The following BRPF3 variants were observed in gnomAD, a reference collection of about 807,000 sequenced individuals.
BRPF3 encodes bromodomain and PHD finger-containing protein 3.
BRPF3 carries 18 observed loss-of-function variants against 102.0 expected under a neutral mutation model. That is an observed-to-expected ratio of 0.18 (90% CI 0.12 to 0.26). The LOEUF (loss-of-function observed/expected upper bound fraction) is 0.26, where lower values mean the gene tolerates loss of function less well. Among genes scored for constraint, BRPF3 ranks in the 10% least tolerant of loss-of-function variants. The pLI is 1.00. For synonymous variants in BRPF3, 570 were observed against 614.2 expected (o/e 0.93, Z 1.06); for missense variants, 1,147 against 1,567.8 (o/e 0.73, Z 4.53).
intron 8 of BRPF3, among the ~76,000 whole-genome samples, chr6:36,214,705 C>G (rs755293785): frequency 6.6e-6 from 1 of 152,110 alleles, no homozygotes; most frequent in East Asian, 1.9e-4. Flanking sequence ...AGGCACTGTT[C>G]TAGGCATTGG....
intron 3 of BRPF3, among the ~76,000 whole-genome samples, chr6:36,205,772 C>T (rs1403205496): frequency 6.6e-6 from 1 of 152,218 alleles, no homozygotes; most frequent in Admixed American, 6.5e-5. Context: ...GCTTGGAGAA[C>T]ATGTCCAATC....
chr6:36,223,612 ATT>A (rs1011770458), intron 10 of BRPF3, among the ~76,000 whole-genome samples: 1 of 151,214 alleles, frequency 6.6e-6, no homozygotes, highest in Admixed American at 6.6e-5. Context: ...ACTTTTTTCA[ATT>A]TTTTTTTGTA....
intron 2 of BRPF3, among the ~76,000 whole-genome samples, chr6:36,203,076 A>G (rs921115311): frequency 6.6e-6 from 1 of 152,190 alleles, no homozygotes; most frequent in African/African-American, 2.4e-5. Flanking sequence ...AAGTGGGTGG[A>G]TGCTTAGTTC....
chr6:36,220,847 G>C (rs1404571119), intron 9 of BRPF3, among the ~76,000 whole-genome samples: 1 of 152,182 alleles, frequency 6.6e-6, no homozygotes, highest in Non-Finnish European at 1.5e-5. Flanking sequence ...GTTAAGCAAA[G>C]TTTTCTTAGC....
rs949402791 is a variant in BRPF3 at position 36,200,071 on chromosome 6, C to G, written c.-26-226C>G. On this transcript the variant is annotated intron_variant, in intron 1 of 12. Coordinates refer to ENST00000357641, the MANE Select transcript of BRPF3 (RefSeq NM_015695.3). The surrounding 1 kb of genome is among the most constrained non-coding windows in gnomAD (Gnocchi z 5.3). ...ATTGCTGGTGGAGGAAAAGGATTTG[C>G]AATTTTAGATAAAGTGGTCAGAGAA... is the stretch of plus-strand genomic sequence containing the variant. 7.9e-5 allele frequency among the ~76,000 whole-genome samples: 12 copies of G among 152,140 alleles called. No individual in the cohort carries two copies. The highest frequency in any genetic ancestry group is 2.9e-4 in the African/African-American group (12 of 41,428).
chr6:36,217,372 T>C (rs1182060990), intron 8 of BRPF3, among the ~76,000 whole-genome samples: 4 of 152,310 alleles, frequency 2.6e-5, no homozygotes, highest in South Asian at 2.1e-4. Context: ...CCCTGTGAGA[T>C]ATCTCAGGGT....
intron 9 of BRPF3, among the ~76,000 whole-genome samples, chr6:36,221,877 T>C (rs1485637265): frequency 2.0e-5 from 3 of 152,192 alleles, no homozygotes; most frequent in Non-Finnish European, 4.4e-5. Flanking sequence ...GACAAATGAC[T>C]GGTGTGACCT....
chr6:36,198,169 A>G (rs1767572860), intron 1 of BRPF3, among the ~76,000 whole-genome samples: 1 of 152,144 alleles, frequency 6.6e-6, no homozygotes, highest in Non-Finnish European at 1.5e-5. Flanking sequence ...TTTGGCTCCA[A>G]ATGGGGTGTG....
intron 2 of BRPF3, among the ~76,000 whole-genome samples, chr6:36,202,311 GGGT>G (rs1361943657): frequency 3.3e-5 from 5 of 152,118 alleles, no homozygotes; most frequent in Non-Finnish European, 5.9e-5. Flanking sequence ...GGTATGAGGG[GGGT>G]GGTGGTGTGG....
Position 36,230,606 on chromosome 6 carries a change from G to A in BRPF3, c.3615G>A (p.Leu1205=). ...GPHSFVTSSY[L] is the part of the protein sequence containing the mutation. ...ACTCCTTCGTCACTTCCAGCTACCT[G>A]TAAGGGCAGGGCTGGGCCTGCATCC... The change falls in exon 13 of 13, where the codon CTG becomes CTA. Residue 1205 remains leucine, a synonymous_variant. Transcript: ENST00000357641. This position sits in a 1 kb window ranked among gnomAD's most constrained non-coding sequence, Gnocchi z 5.4. 1 of 1,606,086 alleles carries A rather than the reference G, an allele frequency of 6.2e-7. No individual in the cohort carries two copies. The highest frequency in any genetic ancestry group is 1.1e-5 in the South Asian group (1 of 90,934).
At chr6:36,209,743 T>C (rs1258609792) in intron 4 of BRPF3, 44 bp from the exon 5 acceptor site, 1 of 1,578,564 alleles carries the variant, frequency 6.3e-7, no homozygotes, top group South Asian at 1.2e-5. Flanking sequence ...AGTACATCTT[T>C]GCAGGGGATG....
chr6:36,203,136 T>A (rs1484548577), intron 2 of BRPF3, among the ~76,000 whole-genome samples: 1 of 152,184 alleles, frequency 6.6e-6, no homozygotes, highest in Non-Finnish European at 1.5e-5. Context: ...GGTTGACATA[T>A]ATGTTGTTCT....
chr6:36,197,273 G>A (rs927881532), intron 1 of BRPF3: 7 of 151,950 alleles, frequency 4.6e-5, no homozygotes, highest in African/African-American at 9.7e-5. Flanking sequence ...CCAGACGAGA[G>A]TCCCGCCCCT....
chr6:36,229,506 G>C (rs977247081), intron 12 of BRPF3, among the ~76,000 whole-genome samples: 1 of 152,234 alleles, frequency 6.6e-6, no homozygotes, highest in African/African-American at 2.4e-5. Flanking sequence ...CCATGGTGGA[G>C]AGTGATTCCT....
Position 36,228,924 on chromosome 6 carries a change from G to A in BRPF3, c.3302G>A (p.Arg1101Gln), listed in dbSNP as rs750879438. The change falls in exon 12 of 13, where the codon CGG becomes CAG. Residue 1101 changes from arginine to glutamine, a missense_variant. Coordinates refer to ENST00000357641, the MANE Select transcript of BRPF3 (RefSeq NM_015695.3). ...CAGATCATCGATCCCAAGATGCCCCGGGAGGGCCTCCTGCACAATGGCGTT... is the reference window on the plus strand; with the variant it reads ...CAGATCATCGATCCCAAGATGCCCCAGGAGGGCCTCCTGCACAATGGCGTT... Reference protein sequence around the residue: ...PALIIDPKMPREGLLHNGVPI... With the variant: ...PALIIDPKMPQEGLLHNGVPI... 4.2e-5 allele frequency: 68 copies of A among 1,613,966 alleles called. No homozygotes were observed. Among genetic ancestry groups the A allele is most frequent in the Non-Finnish European group, 5.3e-5 (62 of 1,179,998 alleles).
chr6:36,214,704 T>C (rs1186098590), intron 8 of BRPF3, among the ~76,000 whole-genome samples: 1 of 152,210 alleles, frequency 6.6e-6, no homozygotes, highest in Non-Finnish European at 1.5e-5. Flanking sequence ...TAGGCACTGT[T>C]CTAGGCATTG....
In BRPF3 at chr6:36,232,454, GTCTC is replaced by G. The variant is rs1045871864; in HGVS notation, c.*1851_*1854del. 2 of 152,538 alleles carry G rather than the reference GTCTC, an allele frequency of 1.3e-5. No individual in the cohort carries two copies. Among genetic ancestry groups the G allele is most frequent in the African/African-American group, 4.8e-5 (2 of 41,386 alleles). The allele number at this position is 152,538 out of a possible 1,614,324, so 9.4% of individuals were successfully genotyped here. A position where few individuals can be genotyped will look rare whatever the true frequency, so the allele number is the denominator to read the frequency against. On this transcript the variant is annotated 3_prime_UTR_variant, in exon 13 of 13. Coordinates refer to ENST00000357641, the MANE Select transcript of BRPF3 (RefSeq NM_015695.3). ...TTCCCCCCAACACTTTCTCTTCTTAGTCTCTCTCTTTATTTTTCAATCTCTGAAT... is the reference window on the plus strand; with the variant it reads ...TTCCCCCCAACACTTTCTCTTCTTAGTCTCTTTATTTTTCAATCTCTGAAT...
chr6:36,208,422 G>A (rs1430226975), intron 4 of BRPF3, among the ~76,000 whole-genome samples: 1 of 152,184 alleles, frequency 6.6e-6, no homozygotes, highest in Non-Finnish European at 1.5e-5. Context: ...GATAGGTTGA[G>A]TCCAGGAGTT....
Position 36,210,222 on chromosome 6 carries a change from G to C in BRPF3, c.1873G>C (p.Asp625His). The change falls in exon 6 of 13, where the codon GAT becomes CAT. Residue 625 changes from aspartate to histidine, a missense_variant. Physicochemically the swap from Asp to His is moderately conservative, Grantham distance 81. Transcript: ENST00000357641. The surrounding 1 kb of genome is among the most constrained non-coding windows in gnomAD (Gnocchi z 4.7). ...AEPVNLSEVP[D>H]YLEFISKPMD... Reference sequence around the variant, plus strand: ...ACAGGTTTTATATGTTTAGGTTCCAGATTACCTGGAATTCATATCCAAGCC... The same window carrying C: ...ACAGGTTTTATATGTTTAGGTTCCACATTACCTGGAATTCATATCCAAGCC... 6.2e-7 allele frequency: 1 copy of C among 1,614,200 alleles called. No individual in the cohort carries two copies. Among genetic ancestry groups the C allele is most frequent in the Non-Finnish European group, 8.5e-7 (1 of 1,180,042 alleles).
Sources: gnomAD v4.1 joint callset for allele counts (sites outside exome capture counted in the v4.1 genomes callset) on GRCh38, gnomAD v4.1.1 for gene constraint, Gnocchi (gnomAD v3.1) non-coding constraint, MANE v1.5 for transcripts, NCBI Gene and HGNC (gene_info 2026-07-23, HGNC 2026-07-21) for gene names.